Variants in DHX36 observed in about 807,000 individuals in gnomAD.
DHX36 encodes the protein ATP-dependent DNA/RNA helicase DHX36.
A neutral mutation model predicts 139.0 loss-of-function variants in DHX36; 50 were observed. The ratio of observed to expected loss-of-function variants is 0.36; its 90% CI spans 0.29 to 0.46. The LOEUF (loss-of-function observed/expected upper bound fraction) is 0.46. Among genes scored for constraint, DHX36 ranks in the 20% least tolerant of loss-of-function variants. DHX36 has a pLI of 1.00. For missense variants in DHX36, 1,024 were observed against 1,211.3 expected (o/e 0.85, Z 2.29); for synonymous variants, 425 against 401.9 (o/e 1.06, Z -0.69).
At chr3:154,309,262 CCATT>C (rs1193570182) in intron 5 of DHX36, among the ~76,000 whole-genome samples, 1 of 151,052 alleles carries the variant, frequency 6.6e-6, no homozygotes, top group Non-Finnish European at 1.5e-5. Context: ...ACTTTCACCA[CCATT>C]CAGTGTATTT....
intron 9 of DHX36, among the ~76,000 whole-genome samples, chr3:154,302,221 G>A (rs2108352940): frequency 6.6e-6 from 1 of 152,262 alleles, no homozygotes. Flanking sequence ...GAGAAAGCAT[G>A]TTCAAGAAGA....
At chr3:154,277,776 T>G in intron 22 of DHX36, 58 bp from the exon 23 acceptor site, 1 of 1,449,890 alleles carries the variant, frequency 6.9e-7, no homozygotes, top group South Asian at 1.6e-5. Context: ...GGATTTTCTT[T>G]TTTTACACTA....
Position 154,304,798 on chromosome 3 carries a change from T to C in DHX36, c.1135+8A>G, listed in dbSNP as rs1299180120. ...TTTTCTAATGTAATAACTATACATT[T>C]TACTCACCAAAATATTCTGAAAACT... On this transcript the variant is annotated splice_region_variant and intron_variant, in intron 8 of 24. Transcript: ENST00000496811. 2 of 1,535,566 alleles carry C rather than the reference T, an allele frequency of 1.3e-6. No homozygotes were observed. Among genetic ancestry groups the C allele is most frequent in the Admixed American group, 2.2e-5 (1 of 45,328 alleles).
At chr3:154,316,264 AC>A in intron 1 of DHX36, 101 bp from the exon 2 acceptor site, 1 of 1,429,686 alleles carries the variant, frequency 7.0e-7, no homozygotes, top group Non-Finnish European at 9.6e-7. Context: ...TATATGTTCA[AC>A]AAATACATAT....
At chr3:154,306,326 T>TA in intron 5 of DHX36, 31 bp from the exon 6 acceptor site, 1 of 1,561,048 alleles carries the variant, frequency 6.4e-7, no homozygotes, top group Non-Finnish European at 8.8e-7. Context: ...AAAGAGAATA[T>TA]AATTTCCTTT....
intron 12 of DHX36, 43 bp from the exon 13 acceptor site, chr3:154,295,382 G>A (rs1186912785): frequency 4.6e-6 from 5 of 1,090,458 alleles, no homozygotes; most frequent in Admixed American, 2.4e-5. Flanking sequence ...AAGAGTTGCA[G>A]AAAAGCTCCA....
At chr3:154,301,452 C>T (rs572283602) in intron 9 of DHX36, among the ~76,000 whole-genome samples, 1 of 152,194 alleles carries the variant, frequency 6.6e-6, no homozygotes, top group East Asian at 1.9e-4. Flanking sequence ...AATGTTAAGT[C>T]CAAACCTGAC....
intron 16 of DHX36, 100 bp from the exon 17 acceptor site, chr3:154,289,064 A>G (rs1711675411): frequency 4.3e-6 from 2 of 462,886 alleles, no homozygotes; most frequent in Non-Finnish European, 7.5e-6. Flanking sequence ...CATCAAATTT[A>G]TACATGACTT....
Position 154,280,651 on chromosome 3 carries a change from T to C in DHX36, c.2495A>G (p.Lys832Arg). 1 of 1,613,074 alleles carries C rather than the reference T, an allele frequency of 6.2e-7. No individual in the cohort carries two copies. The highest frequency in any genetic ancestry group is 8.5e-7 in the Non-Finnish European group (1 of 1,179,564). ...ATATAAACCAGCACAGATGACAGCT[T>C]TAATTATCTTCTCATTATCTATGGG... ...NINSDNEKII[K>R]AVICAGLYPK... The change falls in exon 22 of 25, where the codon AAA becomes AGA. Residue 832 changes from lysine to arginine, a missense_variant. Physicochemically the swap from Lys to Arg is conservative, Grantham distance 26. Around this residue, in one of 4 missense-constraint regions of DHX36, gnomAD observed 470 missense variants for 616.2 expected, o/e 0.76. Transcript: ENST00000496811.
chr3:154,323,141 C>T (rs148748150), intron 1 of DHX36, among the ~76,000 whole-genome samples: 1,732 of 152,218 alleles, frequency 0.011, 22 homozygotes, highest in African/African-American at 0.04. Flanking sequence ...TCGAGACCAA[C>T]CTGGCCAACA....
At chr3:154,310,988 C>G (rs999015188) in intron 4 of DHX36, among the ~76,000 whole-genome samples, 1 of 150,134 alleles carries the variant, frequency 6.7e-6, no homozygotes, top group African/African-American at 2.4e-5. Flanking sequence ...TGTGATTCAT[C>G]CAATCAGAAG....
At position 154,292,513 on chromosome 3, in the gene DHX36, G is replaced by T. The variant is rs777815920; in HGVS notation, c.1814+38C>A. On this transcript the variant is annotated intron_variant, in intron 15 of 24. Coordinates refer to ENST00000496811, the MANE Select transcript of DHX36 (RefSeq NM_020865.3). ...TCACATTTTGTTACACAAAATTTTT[G>T]TGTGTTCTAAAAGCTTTGGACAGAG... 8 of 1,608,436 alleles carry T rather than the reference G, an allele frequency of 5.0e-6. No homozygotes were observed. The East Asian group carries it at 6.7e-5, about 13-fold the overall frequency.
intron 20 of DHX36, 108 bp downstream of exon 20, chr3:154,283,080 A>T (rs535734129): frequency 1.3e-6 from 1 of 765,302 alleles, no homozygotes; most frequent in East Asian, 2.5e-5. Flanking sequence ...AAATATACTC[A>T]ATTTCCATAT....
intron 9 of DHX36, among the ~76,000 whole-genome samples, chr3:154,303,092 C>A (rs1006544442): frequency 6.6e-6 from 1 of 151,956 alleles, no homozygotes; most frequent in Non-Finnish European, 1.5e-5. Context: ...AAAAAAACCA[C>A]GGATGCCTGG....
Position 154,288,368 on chromosome 3 carries a change from AAATC to A in DHX36, c.2031+494_2031+497del, listed in dbSNP as rs1711633969. Among the ~76,000 whole-genome samples, 4 of 152,114 alleles carry A rather than the reference AAATC, an allele frequency of 2.6e-5. No homozygotes were observed. In the South Asian group the frequency reaches 8.3e-4, roughly 32 times the overall value. ...TACTTGTAAAAACCATCAAAAAAAA[AAATC>A]AAGCCATTATAGTTAAAGTCATGAT... is the stretch of plus-strand genomic sequence containing the variant. On this transcript the variant is annotated intron_variant, in intron 17 of 24. Transcript: ENST00000496811.
chr3:154,303,463 A>G lies in DHX36; in HGVS notation c.1136-53T>C. On this transcript the variant is annotated intron_variant, in intron 8 of 24. Transcript: ENST00000496811. ...AAATTTGTACTCAAATGTTAAAAACATTAATATACTGTAAATAGGACAATG... is the reference window on the plus strand; with the variant it reads ...AAATTTGTACTCAAATGTTAAAAACGTTAATATACTGTAAATAGGACAATG... 4 of 1,280,730 alleles carry G rather than the reference A, an allele frequency of 3.1e-6. No individual in the cohort carries two copies. The South Asian group carries it at 4.1e-5, about 13-fold the overall frequency. The allele number at this position is 1,280,730 out of a possible 1,614,324, so 79.3% of individuals were successfully genotyped here.
chr3:154,315,838 C>G (rs551381230), intron 2 of DHX36, among the ~76,000 whole-genome samples: 2 of 152,002 alleles, frequency 1.3e-5, no homozygotes, highest in Non-Finnish European at 2.9e-5. Context: ...TCCAGATACA[C>G]TATTATTCAT....
intron 1 of DHX36, among the ~76,000 whole-genome samples, chr3:154,316,513 GT>G (rs1462452771): frequency 1.3e-5 from 2 of 151,926 alleles, no homozygotes; most frequent in Non-Finnish European, 2.9e-5. Context: ...AAATTTCAAA[GT>G]TATTAAAACT....
rs187165766 is a variant in DHX36, at chr3:154,324,181, C to T, written c.236G>A (p.Arg79Lys). The T allele has an allele frequency of 1.9e-6, 3 of 1,611,100 alleles. No homozygotes were observed. The highest frequency in any genetic ancestry group is 2.2e-5 in the East Asian group (1 of 44,798). ...KQGQKNKEAE[R>K]QERAVVHMDE... ...TACTGAATCCGAGATTACCTCTTGCCTCTCCGCTTCCTTGTTCTTCTGCCC... is the reference window on the plus strand; with the variant it reads ...TACTGAATCCGAGATTACCTCTTGCTTCTCCGCTTCCTTGTTCTTCTGCCC... Residue 79 changes from arginine (R) to lysine (K), a missense_variant, in exon 1 of 25, where the codon AGG becomes AAG. Physicochemically the swap from Arg to Lys is conservative, Grantham distance 26. Around this residue, in one of 4 missense-constraint regions of DHX36, gnomAD observed 293 missense variants for 274.4 expected, o/e 1.07. Transcript: ENST00000496811.
Sources: allele counts gnomAD v4.1 joint callset (sites outside exome capture counted in the v4.1 genomes callset), GRCh38; gene constraint gnomAD v4.1.1; regional missense constraint gnomAD v4.1.1; transcripts MANE v1.5; gene names NCBI Gene and HGNC (gene_info 2026-07-23, HGNC 2026-07-21).